MBD5: variants seen among roughly 807,000 people sequenced by gnomAD.
MBD5 encodes methyl-CpG binding domain protein 5.
A neutral mutation model predicts 117.3 loss-of-function variants in MBD5; 13 were observed. The observed-to-expected ratio is 0.11, with a 90% CI of 0.07 to 0.18. MBD5 has a LOEUF of 0.18. Among genes scored for constraint, MBD5 ranks in the 10% least tolerant of loss-of-function variants. The probability of loss-of-function intolerance (pLI) is 1.00; values close to 1 mark genes in which losing one functional copy is unlikely to be tolerated. For missense variants in MBD5, 1,879 were observed against 2,093.8 expected (o/e 0.90, Z 2.00); for synonymous variants, 727 against 766.4 (o/e 0.95, Z 0.85).
At chr2:148,046,716 G>A (rs1694545163) in intron 1 of MBD5, among the ~76,000 whole-genome samples, 1 of 152,090 alleles carries the variant, frequency 6.6e-6, no homozygotes, top group African/African-American at 2.4e-5. Flanking sequence ...CTAGAGAATG[G>A]TAGTAAGTAA....
chr2:148,395,585 C>T (rs544580907), intron 4 of MBD5, among the ~76,000 whole-genome samples: 18 of 152,018 alleles, frequency 1.2e-4, no homozygotes, highest in African/African-American at 3.4e-4. Flanking sequence ...CCACCACACC[C>T]GGCTAATTTT....
chr2:148,250,208 G>T (rs1456253642), intron 3 of MBD5, among the ~76,000 whole-genome samples: 1 of 152,102 alleles, frequency 6.6e-6, no homozygotes, highest in Non-Finnish European at 1.5e-5. Flanking sequence ...AACTAATGCA[G>T]GAACAGAAAA....
At chr2:148,150,743 G>C (rs1697635038) in intron 1 of MBD5, among the ~76,000 whole-genome samples, 1 of 152,018 alleles carries the variant, frequency 6.6e-6, no homozygotes, top group Admixed American at 6.6e-5. Context: ...CTCTCTGTTT[G>C]TCTGTTGTTG....
At chr2:148,092,183 G>C (rs1182931014) in intron 1 of MBD5, among the ~76,000 whole-genome samples, 1 of 152,172 alleles carries the variant, frequency 6.6e-6, no homozygotes, top group Non-Finnish European at 1.5e-5. Context: ...CATGGATGTG[G>C]TGAAAAGGAA....
rs573024353 is a variant in MBD5 at position 148,031,410 on chromosome 2, G to A, written c.-925+9726G>A. ...TTTTGGGGAGGACCTGAGTTAATCA[G>A]GGTTTAGGTGGAGTTTAGATACTAG... On this transcript the variant is annotated intron_variant, in intron 1 of 13. Transcript: ENST00000642680. Among the ~76,000 whole-genome samples the A allele has an allele frequency of 2.0e-5, 3 of 152,186 alleles. No individual in the cohort carries two copies. In the East Asian group the frequency reaches 5.8e-4, roughly 29 times the overall value.
At chr2:148,094,830 A>G (rs12472291) in intron 1 of MBD5, among the ~76,000 whole-genome samples, 62,436 of 151,924 alleles carry the variant, frequency 0.41, 13,138 homozygotes, top group South Asian at 0.5. Flanking sequence ...AGCTATACAT[A>G]GAGATAATAG....
At chr2:148,043,283 A>AT (rs1444963691) in intron 1 of MBD5, among the ~76,000 whole-genome samples, 1 of 149,656 alleles carries the variant, frequency 6.7e-6, no homozygotes, top group East Asian at 2.0e-4. Flanking sequence ...AAAAAAATAA[A>AT]AAAATAAATA....
intron 1 of MBD5, among the ~76,000 whole-genome samples, chr2:148,170,010 G>T (rs1478449224): frequency 6.6e-6 from 1 of 151,432 alleles, no homozygotes; most frequent in Non-Finnish European, 1.5e-5. Context: ...CCATTCTCCC[G>T]CCTCAGCCTC....
chr2:148,052,698 C>T (rs1694749560), intron 1 of MBD5, among the ~76,000 whole-genome samples: 1 of 152,032 alleles, frequency 6.6e-6, no homozygotes, highest in Non-Finnish European at 1.5e-5. Flanking sequence ...TCCACATATT[C>T]ATGAATTTTC....
chr2:148,452,622 A>T (rs1173795994), intron 4 of MBD5, among the ~76,000 whole-genome samples: 1 of 152,216 alleles, frequency 6.6e-6, no homozygotes, highest in Non-Finnish European at 1.5e-5. Flanking sequence ...TTCATTAATT[A>T]GCATCCTGTT....
At chr2:148,058,263 C>T (rs1389452319) in intron 1 of MBD5, among the ~76,000 whole-genome samples, 1 of 152,002 alleles carries the variant, frequency 6.6e-6, no homozygotes, top group African/African-American at 2.4e-5. Context: ...CACAGAAACC[C>T]TACAAATTAA....
intron 3 of MBD5, among the ~76,000 whole-genome samples, chr2:148,319,396 G>GC (rs1444846991): frequency 1.3e-5 from 2 of 152,090 alleles, no homozygotes; most frequent in Non-Finnish European, 2.9e-5. Flanking sequence ...AGCGTAGGAT[G>GC]TTTTTCCATT....
chr2:148,461,375 G>A (rs1707074234), intron 5 of MBD5, among the ~76,000 whole-genome samples: 5 of 152,122 alleles, frequency 3.3e-5, no homozygotes, highest in Admixed American at 3.3e-4. Context: ...ATTTGACAAA[G>A]TTGAGGATTT....
rs1478165751 is a variant in MBD5 at position 148,515,329 on chromosome 2, G to GT, written c.*2389dup. ...TGTATACTTTACATAAGTAGACCAT[G>GT]TAAAGTATGTTTGTGCCCATGATTT... is the stretch of plus-strand genomic sequence containing the variant. On this transcript the variant is annotated 3_prime_UTR_variant, in exon 14 of 14. Transcript: ENST00000642680. 3.3e-5 allele frequency: 5 copies of GT among 152,162 alleles called. No individual in the cohort carries two copies. The highest frequency in any genetic ancestry group is 4.4e-5 in the Non-Finnish European group (3 of 68,028). The allele number at this position is 152,162 out of a possible 1,614,324, so 9.4% of individuals were successfully genotyped here. A position where few individuals can be genotyped will look rare whatever the true frequency, so the allele number is the denominator to read the frequency against.
intron 4 of MBD5, among the ~76,000 whole-genome samples, chr2:148,384,345 G>T (rs566223915): frequency 0.013 from 1,957 of 151,922 alleles, 41 homozygotes; most frequent in African/African-American, 0.044. Flanking sequence ...AAATCATGAG[G>T]GAACTCCCAT....
intron 4 of MBD5, among the ~76,000 whole-genome samples, chr2:148,350,335 T>G (rs1175041677): frequency 1.3e-5 from 2 of 152,172 alleles, no homozygotes; most frequent in East Asian, 3.9e-4. Context: ...GCACTAAGCA[T>G]TAAAACCTAC....
chr2:148,398,636 T>G (rs1456673839), intron 4 of MBD5, among the ~76,000 whole-genome samples: 4 of 152,194 alleles, frequency 2.6e-5, no homozygotes, highest in South Asian at 2.1e-4. Flanking sequence ...TCTTTTGCTG[T>G]GCACAAGCTC....
intron 3 of MBD5, among the ~76,000 whole-genome samples, chr2:148,267,852 TAA>T (rs1158669688): frequency 6.6e-6 from 1 of 152,136 alleles, no homozygotes; most frequent in Admixed American, 6.5e-5. Flanking sequence ...CTGATTCTAA[TAA>T]TACATCTTCT....
chr2:148,070,637 C>T (rs1695324492), intron 1 of MBD5, among the ~76,000 whole-genome samples: 1 of 152,032 alleles, frequency 6.6e-6, no homozygotes, highest in Middle Eastern at 3.2e-3. Context: ...TGGTTCATTG[C>T]TTTGTTAAAC....
Sources: gnomAD v4.1 joint callset for allele counts (sites outside exome capture counted in the v4.1 genomes callset) on GRCh38, gnomAD v4.1.1 for gene constraint, MANE v1.5 for transcripts, NCBI Gene and HGNC (gene_info 2026-07-23, HGNC 2026-07-21) for gene names.